SLC16A12: variants seen among roughly 807,000 people sequenced by gnomAD.
SLC16A12 encodes solute carrier family 16 member 12.
Under a neutral mutation model 42.4 loss-of-function variants are expected in SLC16A12, and 17 were observed. The observed-to-expected ratio is 0.40, with a 90% CI of 0.27 to 0.60. SLC16A12 has a LOEUF of 0.60. Ranked by LOEUF, SLC16A12 falls within the 20% of genes least tolerant of loss-of-function variation. SLC16A12 has a pLI of 0.42. For missense variants in SLC16A12, 544 were observed against 623.0 expected (o/e 0.87, Z 1.35); for synonymous variants, 224 against 229.4 (o/e 0.98, Z 0.21).
intron 2 of SLC16A12, among the ~76,000 whole-genome samples, chr10:89,519,367 A>G (rs1423142178): frequency 6.6e-6 from 1 of 152,076 alleles, no homozygotes; most frequent in Non-Finnish European, 1.5e-5. Context: ...TAAACCTAAA[A>G]CAAAAGTTGA....
intron 2 of SLC16A12, among the ~76,000 whole-genome samples, chr10:89,477,126 C>T (rs1589691556): frequency 6.6e-6 from 1 of 152,082 alleles, no homozygotes; most frequent in Non-Finnish European, 1.5e-5. Context: ...CGTTTTTGTT[C>T]CTATCCTGAT....
intron 2 of SLC16A12, among the ~76,000 whole-genome samples, chr10:89,517,654 G>C (rs897903085): frequency 3.3e-5 from 5 of 152,064 alleles, no homozygotes; most frequent in African/African-American, 1.2e-4. Flanking sequence ...TTTAAATCAA[G>C]AAGTTCCTGT....
intron 2 of SLC16A12, among the ~76,000 whole-genome samples, chr10:89,520,949 TA>T (rs1282878963): frequency 1.3e-5 from 2 of 152,188 alleles, no homozygotes; most frequent in African/African-American, 4.8e-5. Flanking sequence ...ACATGCTCAG[TA>T]AATGGAAGTA....
At chr10:89,436,870 A>AAGAAAG (rs1841801125) in intron 6 of SLC16A12, among the ~76,000 whole-genome samples, 1 of 111,798 alleles carries the variant, frequency 8.9e-6, no homozygotes, top group Admixed American at 9.1e-5. Flanking sequence ...AATAAAGAAA[A>AAGAAAG]AGAAAGAAAG....
upstream of SLC16A12, among the ~76,000 whole-genome samples, chr10:89,537,942 C>T (rs138527477): frequency 5.1e-4 from 78 of 152,290 alleles, no homozygotes; most frequent in Middle Eastern, 3.4e-3. Flanking sequence ...TGATTTTCAT[C>T]CTTTACGAGT....
chr10:89,534,008 C>T (rs1471731033), intron 2 of SLC16A12, among the ~76,000 whole-genome samples: 1 of 152,182 alleles, frequency 6.6e-6, no homozygotes, highest in Admixed American at 6.5e-5. Flanking sequence ...AGTATGAATT[C>T]AGCCAATCCT....
At chr10:89,478,317 A>C (rs1256259067) in intron 2 of SLC16A12, among the ~76,000 whole-genome samples, 3 of 152,186 alleles carry the variant, frequency 2.0e-5, no homozygotes, top group African/African-American at 7.2e-5. Context: ...CTCAGAGGTA[A>C]TTGAACCCAA....
At chr10:89,541,180 C>T (rs1843713662) in intron 2 of SLC16A12, among the ~76,000 whole-genome samples, 1 of 152,004 alleles carries the variant, frequency 6.6e-6, no homozygotes, top group African/African-American at 2.4e-5. Context: ...CCCGCCTCGG[C>T]CTCCCAAAGT....
chr10:89,488,172 C>A (rs1422481773), intron 2 of SLC16A12, among the ~76,000 whole-genome samples: 3 of 151,748 alleles, frequency 2.0e-5, no homozygotes, highest in African/African-American at 7.3e-5. Context: ...GAAGCCCAAA[C>A]CTTACCATTA....
intron 3 of SLC16A12, among the ~76,000 whole-genome samples, chr10:89,453,232 G>A (rs1842124565): frequency 6.6e-6 from 1 of 152,144 alleles, no homozygotes; most frequent in African/African-American, 2.4e-5. Context: ...TTGATTAACT[G>A]CAACAGTCAA....
chr10:89,536,569 A>C (rs965479701), upstream of SLC16A12, among the ~76,000 whole-genome samples: 1 of 152,044 alleles, frequency 6.6e-6, no homozygotes, highest in Non-Finnish European at 1.5e-5. Flanking sequence ...CCCACGTAGG[A>C]CAGGTTCCAG....
At position 89,430,487 on chromosome 10, in the gene SLC16A12, A is replaced by G. The variant is rs1429908479; in HGVS notation, c.*2577T>C. The G allele has an allele frequency of 1.8e-5, 7 of 398,824 alleles. No individual in the cohort carries two copies. The highest frequency in any genetic ancestry group is 4.4e-5 in the Admixed American group (1 of 22,614). The allele number at this position is 398,824 out of a possible 1,614,324, so 24.7% of individuals were successfully genotyped here. On this transcript the variant is annotated 3_prime_UTR_variant, in exon 8 of 8. Coordinates refer to ENST00000371790, the MANE Select transcript of SLC16A12 (RefSeq NM_213606.4). Reference sequence around the variant, plus strand: ...GTAGAGCTTACAGTAGTAGAAAGAAATATTTAAGATGTAAAATTATCCCAC... The same window carrying G: ...GTAGAGCTTACAGTAGTAGAAAGAAGTATTTAAGATGTAAAATTATCCCAC...
chr10:89,506,570 G>A (rs1451253330), intron 2 of SLC16A12, among the ~76,000 whole-genome samples: 1 of 152,028 alleles, frequency 6.6e-6, no homozygotes, highest in East Asian at 1.9e-4. Flanking sequence ...CCATCCATAG[G>A]TCACCAACAT....
Position 89,432,916 on chromosome 10 carries a change from C to A in SLC16A12, c.*148G>T, listed in dbSNP as rs552897540. The A allele has an allele frequency of 2.2e-5, 25 of 1,146,530 alleles. 1 individual carries two copies. The highest frequency in any genetic ancestry group is 2.9e-5 in the Non-Finnish European group (24 of 834,198). 71.0% of individuals were successfully genotyped at this position (1,146,530 alleles called of 1,614,324 possible). ...CTTTCCTTATTATGTGCTGTTTTCC[C>A]TTATAAATATTAATATGTTAACAAA... is the stretch of plus-strand genomic sequence containing the variant. On this transcript the variant is annotated 3_prime_UTR_variant, in exon 8 of 8. Transcript: ENST00000371790.
chr10:89,556,387 ATCTCTCTG>A (rs1480326476), intron 1 of SLC16A12: 4 of 152,038 alleles, frequency 2.6e-5, no homozygotes, highest in Non-Finnish European at 4.4e-5. Context: ...CTATCTCTCT[ATCTCTCTG>A]TCTGTTTGTC....
At chr10:89,486,600 AAAAAAAGAAAG>A (rs1564585733) in intron 2 of SLC16A12, among the ~76,000 whole-genome samples, 2 of 129,308 alleles carry the variant, frequency 1.5e-5, no homozygotes, top group Non-Finnish European at 3.2e-5. Context: ...TCAAAAAAAA[AAAAAAAGAAAG>A]AAAGAAAGAA....
chr10:89,537,124 G>A (rs1589735831), upstream of SLC16A12, among the ~76,000 whole-genome samples: 1 of 149,930 alleles, frequency 6.7e-6, no homozygotes, highest in South Asian at 2.1e-4. Context: ...CATTTGCCAC[G>A]CAGCAAGGCA....
chr10:89,473,033 G>T (rs949621199), intron 2 of SLC16A12, among the ~76,000 whole-genome samples: 1 of 151,042 alleles, frequency 6.6e-6, no homozygotes, highest in Non-Finnish European at 1.5e-5. Flanking sequence ...TTCTCAGGCT[G>T]GTCTCAAACT....
chr10:89,489,722 AAAG>A (rs1842818663), intron 2 of SLC16A12, among the ~76,000 whole-genome samples: 1 of 152,230 alleles, frequency 6.6e-6, no homozygotes, highest in Non-Finnish European at 1.5e-5. Context: ...GAATACTTTT[AAAG>A]GGATAATATC....
Sources: gnomAD v4.1 joint callset for allele counts (sites outside exome capture counted in the v4.1 genomes callset) on GRCh38, gnomAD v4.1.1 for gene constraint, MANE v1.5 for transcripts, NCBI Gene and HGNC (gene_info 2026-07-23, HGNC 2026-07-21) for gene names.